SUCLG2: variants seen among roughly 807,000 people sequenced by gnomAD.
SUCLG2 encodes the protein succinate--CoA ligase [GDP-forming] subunit beta, mitochondrial.
Under a neutral mutation model 47.9 loss-of-function variants are expected in SUCLG2, and 42 were observed. That is an observed-to-expected ratio of 0.88 (90% CI 0.69 to 1.14). The LOEUF (loss-of-function observed/expected upper bound fraction) is 1.14. Among genes scored for constraint, SUCLG2 ranks in the 50% most tolerant of loss-of-function variants. SUCLG2 has a pLI of 0.00. For synonymous variants in SUCLG2, 195 were observed against 197.3 expected (o/e 0.99, Z 0.10); for missense variants, 571 against 525.9 (o/e 1.09, Z -0.84).
intron 2 of SUCLG2, among the ~76,000 whole-genome samples, chr3:67,553,853 C>A (rs1465337953): frequency 6.6e-6 from 1 of 152,058 alleles, no homozygotes; most frequent in African/African-American, 2.4e-5. Context: ...TTGTCAGTTA[C>A]TTTAATATTC....
chr3:67,539,641 C>G (rs1459524852), intron 2 of SUCLG2, among the ~76,000 whole-genome samples: 2 of 152,150 alleles, frequency 1.3e-5, no homozygotes, highest in Admixed American at 6.5e-5. Flanking sequence ...ATGGTACCAG[C>G]TCCTCTTTGT....
intron 10 of SUCLG2, among the ~76,000 whole-genome samples, chr3:67,378,257 G>C (rs1482777829): frequency 6.6e-6 from 1 of 152,156 alleles, no homozygotes; most frequent in Non-Finnish European, 1.5e-5. Context: ...GTATGATCTG[G>C]ACCCACAGCC....
intron 9 of SUCLG2, among the ~76,000 whole-genome samples, chr3:67,486,837 TG>T (rs1358894126): frequency 1.3e-5 from 2 of 152,340 alleles, no homozygotes; most frequent in Non-Finnish European, 2.9e-5. Flanking sequence ...GGCAGAGGAT[TG>T]CCTTTTTGAT....
chr3:67,419,869 A>T (rs541173917), intron 9 of SUCLG2, among the ~76,000 whole-genome samples: 17 of 152,232 alleles, frequency 1.1e-4, no homozygotes, highest in Non-Finnish European at 2.2e-4. Flanking sequence ...GCTGAAAATC[A>T]AAAGCTGCTG....
chr3:67,531,859 C>T (rs973374843), intron 2 of SUCLG2, among the ~76,000 whole-genome samples: 2 of 152,190 alleles, frequency 1.3e-5, no homozygotes, highest in African/African-American at 4.8e-5. Context: ...TCCCACTCAA[C>T]AGTAACTCGT....
chr3:67,368,274 T>C (rs1206114262), intron 10 of SUCLG2, among the ~76,000 whole-genome samples: 2 of 152,360 alleles, frequency 1.3e-5, no homozygotes, highest in Middle Eastern at 3.4e-3. Flanking sequence ...ATTCTTTCTT[T>C]ATTCTTAAAG....
intron 9 of SUCLG2, among the ~76,000 whole-genome samples, chr3:67,482,590 A>T (rs914762797): frequency 2.6e-5 from 4 of 152,174 alleles, no homozygotes; most frequent in African/African-American, 9.7e-5. Flanking sequence ...AGCTTAATGG[A>T]GAAGAAGGCT....
intron 10 of SUCLG2, among the ~76,000 whole-genome samples, chr3:67,394,645 A>G (rs1179593975): frequency 6.6e-6 from 1 of 151,980 alleles, no homozygotes; most frequent in Non-Finnish European, 1.5e-5. Flanking sequence ...AGGCAGGACA[A>G]CATTCAGATT....
At chr3:67,428,906 G>A (rs1296405644) in intron 9 of SUCLG2, among the ~76,000 whole-genome samples, 1 of 152,140 alleles carries the variant, frequency 6.6e-6, no homozygotes, top group African/African-American at 2.4e-5. Flanking sequence ...AGAGAAAAAA[G>A]AGTAAAAAGA....
chr3:67,597,298 C>T (rs1708315612), intron 2 of SUCLG2, among the ~76,000 whole-genome samples: 1 of 152,200 alleles, frequency 6.6e-6, no homozygotes, highest in South Asian at 2.1e-4. Flanking sequence ...CTCCCTTAAA[C>T]AAAGCTTACA....
intron 9 of SUCLG2, among the ~76,000 whole-genome samples, chr3:67,458,750 G>C (rs1274171220): frequency 6.6e-6 from 1 of 152,234 alleles, no homozygotes; most frequent in Admixed American, 6.5e-5. Flanking sequence ...GTCAGGAAGA[G>C]ACGGCTGAAT....
At position 67,508,390 on chromosome 3, in the gene SUCLG2, G is replaced by A. The variant is rs565695967; in HGVS notation, c.757+417C>T. On this transcript the variant is annotated intron_variant, in intron 7 of 10. Coordinates refer to ENST00000307227, the MANE Select transcript of SUCLG2 (RefSeq NM_003848.4). Reference sequence around the variant, plus strand: ...GATGGGCCTAAAAAAATAAGGTGGAGAGAAAGAGGTGAACGAATGTTTCTT... The same window carrying A: ...GATGGGCCTAAAAAAATAAGGTGGAAAGAAAGAGGTGAACGAATGTTTCTT... 1.6e-4 allele frequency among the ~76,000 whole-genome samples: 25 copies of A among 152,258 alleles called. 1 individual carries two copies. The South Asian group carries it at 5.0e-3, about 30-fold the overall frequency.
At chr3:67,444,003 A>G (rs1703848977) in intron 9 of SUCLG2, among the ~76,000 whole-genome samples, 2 of 109,844 alleles carry the variant, frequency 1.8e-5, no homozygotes, top group African/African-American at 3.2e-5. Flanking sequence ...CCCATCCGGG[A>G]GGGAGGTGGG....
At chr3:67,364,940 G>C (rs1237345290) in intron 10 of SUCLG2, among the ~76,000 whole-genome samples, 3 of 152,138 alleles carry the variant, frequency 2.0e-5, no homozygotes, top group Non-Finnish European at 4.4e-5. Flanking sequence ...GAACAAAATA[G>C]AAAGTTTCAG....
intron 2 of SUCLG2, among the ~76,000 whole-genome samples, chr3:67,570,283 T>C (rs930072228): frequency 6.6e-6 from 1 of 152,222 alleles, no homozygotes; most frequent in Admixed American, 6.5e-5. Context: ...AGCTGACTAA[T>C]ATGCCTGCCA....
chr3:67,456,728 A>G (rs1175540717), intron 9 of SUCLG2, among the ~76,000 whole-genome samples: 1 of 152,218 alleles, frequency 6.6e-6, no homozygotes. Flanking sequence ...ACATATTAGC[A>G]AAAATACATC....
chr3:67,628,075 T>A (rs989099990), intron 1 of SUCLG2, among the ~76,000 whole-genome samples: 6 of 152,240 alleles, frequency 3.9e-5, no homozygotes, highest in African/African-American at 1.4e-4. Context: ...GTTAAAATAA[T>A]GGGCATAGTC....
chr3:67,635,845 C>T, intron 1 of SUCLG2, among the ~76,000 whole-genome samples: 1 of 152,216 alleles, frequency 6.6e-6, no homozygotes, highest in South Asian at 2.1e-4. Flanking sequence ...TTCAACTCCC[C>T]TCCTTCCAGT....
At chr3:67,647,145 A>G (rs926776269) in intron 1 of SUCLG2, among the ~76,000 whole-genome samples, 2 of 152,152 alleles carry the variant, frequency 1.3e-5, no homozygotes, top group African/African-American at 4.8e-5. Flanking sequence ...AATGGATGGG[A>G]GCAGAAAAAA....
Sources: allele counts gnomAD v4.1 joint callset (sites outside exome capture counted in the v4.1 genomes callset), GRCh38; gene constraint gnomAD v4.1.1; transcripts MANE v1.5; gene names NCBI Gene and HGNC (gene_info 2026-07-23, HGNC 2026-07-21).